HIPK2: variants seen among roughly 807,000 people sequenced by gnomAD.
HIPK2 encodes the protein homeodomain interacting protein kinase 2, also known as homeodomain-interacting protein kinase 2.
A neutral mutation model predicts 113.7 loss-of-function variants in HIPK2; 27 were observed. The observed-to-expected ratio is 0.24, with a 90% CI of 0.17 to 0.33. HIPK2 has a LOEUF of 0.33. Ranked by LOEUF, HIPK2 falls within the 10% of genes least tolerant of loss-of-function variation. The probability of loss-of-function intolerance (pLI) is 1.00; values close to 1 mark genes in which losing one functional copy is unlikely to be tolerated. For synonymous variants in HIPK2, 631 were observed against 642.2 expected (o/e 0.98, Z 0.26); for missense variants, 1,257 against 1,588.0 (o/e 0.79, Z 3.54).
chr7:139,725,053 A>G (rs1194449410), intron 1 of HIPK2, among the ~76,000 whole-genome samples: 2 of 152,212 alleles, frequency 1.3e-5, no homozygotes, highest in Admixed American at 1.3e-4. Context: ...TCAAGTCTGT[A>G]TTAAGGGTCC....
rs897304447 is a variant in HIPK2 at position 139,777,792 on chromosome 7, G to T, written c.-169C>A. ...CCGCCTCCCGTGGCCGGCGCCGGGGGAGGGGGCCGGGCGCGCCGCCGCCGC... is the reference window on the plus strand; with the variant it reads ...CCGCCTCCCGTGGCCGGCGCCGGGGTAGGGGGCCGGGCGCGCCGCCGCCGC... On this transcript the variant is annotated 5_prime_UTR_variant, in exon 1 of 15. Transcript: ENST00000406875. The T allele has an allele frequency of 1.3e-4, 66 of 517,306 alleles. No homozygotes were observed. Among genetic ancestry groups the T allele is most frequent in the Non-Finnish European group, 1.6e-4 (65 of 403,820 alleles). The allele number at this position is 517,306 out of a possible 1,614,324, so 32.0% of individuals were successfully genotyped here.
At chr7:139,723,474 G>A (rs191136480) in intron 1 of HIPK2, among the ~76,000 whole-genome samples, 45 of 152,244 alleles carry the variant, frequency 3.0e-4, no homozygotes, top group African/African-American at 9.1e-4. Context: ...GATTACAGGC[G>A]TGAGCCACTG....
chr7:139,733,544 C>T (rs867093066), intron 1 of HIPK2, among the ~76,000 whole-genome samples: 1 of 152,320 alleles, frequency 6.6e-6, no homozygotes, highest in South Asian at 2.1e-4. Flanking sequence ...AAAGAGAACA[C>T]TCCTGATATA....
intron 2 of HIPK2, among the ~76,000 whole-genome samples, chr7:139,694,294 TCCA>T (rs1794500508): frequency 2.0e-5 from 3 of 152,282 alleles, no homozygotes; most frequent in South Asian, 4.1e-4. Context: ...CCTTACACGC[TCCA>T]CAAGACACCA....
chr7:139,597,030 G>C (rs764528453), intron 11 of HIPK2, 32 bp from the exon 12 acceptor site: 2 of 1,563,926 alleles, frequency 1.3e-6, no homozygotes, highest in South Asian at 2.3e-5. Flanking sequence ...CTCACACAGA[G>C]GAAGGTCAGG....
chr7:139,624,250 T>C (rs1800344020), intron 6 of HIPK2, among the ~76,000 whole-genome samples: 1 of 152,198 alleles, frequency 6.6e-6, no homozygotes. Flanking sequence ...TCTGAGCTCC[T>C]GACCTCAGCT....
At chr7:139,588,904 G>T (rs761625304) in intron 12 of HIPK2, among the ~76,000 whole-genome samples, 4 of 152,214 alleles carry the variant, frequency 2.6e-5, no homozygotes, top group Non-Finnish European at 5.9e-5. Flanking sequence ...GCTGGCTCCC[G>T]AGGGGAGGTG....
In HIPK2 at chr7:139,672,007, G is replaced by GA. The variant is rs762335909; in HGVS notation, c.1104-40283dup. On this transcript the variant is annotated intron_variant, in intron 2 of 14. Coordinates refer to ENST00000406875, the MANE Select transcript of HIPK2 (RefSeq NM_022740.5). The stretch of plus-strand genomic sequence containing the variant: ...ACCTCTGGTTTAAAAAGATACATCT[G>GA]AAGTTTAACATTATATGATTCTAGA... 5.8e-4 allele frequency among the ~76,000 whole-genome samples: 89 copies of GA among 152,278 alleles called. 1 individual carries two copies. The highest frequency in any genetic ancestry group is 6.0e-4 in the Non-Finnish European group (41 of 68,034).
At chr7:139,702,067 A>G (rs1794724549) in intron 2 of HIPK2, among the ~76,000 whole-genome samples, 1 of 152,186 alleles carries the variant, frequency 6.6e-6, no homozygotes, top group Non-Finnish European at 1.5e-5. Flanking sequence ...AACACGCTTT[A>G]GGAGGTGTCT....
intron 9 of HIPK2, among the ~76,000 whole-genome samples, chr7:139,608,329 A>T (rs1799698093): frequency 7.1e-6 from 1 of 140,934 alleles, no homozygotes; most frequent in African/African-American, 2.6e-5. Flanking sequence ...ATATATATAA[A>T]ATATATATAT....
chr7:139,626,097 T>G (rs1468426637), intron 6 of HIPK2, among the ~76,000 whole-genome samples: 1 of 147,874 alleles, frequency 6.8e-6, no homozygotes, highest in Non-Finnish European at 1.5e-5. Flanking sequence ...TTTCTTTCTT[T>G]TTTTCTTTCC....
At chr7:139,679,114 C>A (rs116412146) in intron 2 of HIPK2, among the ~76,000 whole-genome samples, 2 of 152,248 alleles carry the variant, frequency 1.3e-5, no homozygotes, top group South Asian at 4.1e-4. Context: ...CAAAGAGAGA[C>A]GATTTGATTT....
chr7:139,651,259 C>T (rs1801448249), intron 2 of HIPK2, among the ~76,000 whole-genome samples: 1 of 152,130 alleles, frequency 6.6e-6, no homozygotes, highest in Non-Finnish European at 1.5e-5. Context: ...CTTCCAAGCA[C>T]CCAAATGCAG....
chr7:139,775,314 G>A (rs1392313672), intron 1 of HIPK2, among the ~76,000 whole-genome samples: 1 of 152,134 alleles, frequency 6.6e-6, no homozygotes, highest in Non-Finnish European at 1.5e-5. Flanking sequence ...CAGAGTCTTG[G>A]CACACTCATC....
rs954587842 is a variant in HIPK2 at position 139,629,140 on chromosome 7, A to G, written c.1348-101T>C. On this transcript the variant is annotated intron_variant, in intron 4 of 14. Coordinates refer to ENST00000406875, the MANE Select transcript of HIPK2 (RefSeq NM_022740.5). ...GTGTCTCACAGAGGGTCTCTTTCCC[A>G]CATTTCGGAAGAGATTTTGATTCTT... 17 of 905,636 alleles carry G rather than the reference A, an allele frequency of 1.9e-5. No individual in the cohort carries two copies. The African/African-American group carries it at 2.8e-4, about 15-fold the overall frequency. 56.1% of individuals were successfully genotyped at this position (905,636 alleles called of 1,614,324 possible). A position where few individuals can be genotyped will look rare whatever the true frequency, so the allele number is the denominator to read the frequency against.
intron 2 of HIPK2, among the ~76,000 whole-genome samples, chr7:139,669,725 C>T (rs539696769): frequency 7.9e-5 from 12 of 152,226 alleles, no homozygotes; most frequent in South Asian, 2.1e-4. Flanking sequence ...TTCACACACA[C>T]ACAAAAACTA....
intron 9 of HIPK2, among the ~76,000 whole-genome samples, chr7:139,610,310 G>C (rs966267176): frequency 3.9e-5 from 6 of 152,230 alleles, no homozygotes; most frequent in African/African-American, 1.4e-4. Flanking sequence ...AAAAGCACAC[G>C]TGAGTTCTGT....
At chr7:139,726,214 C>T (rs1795570031) in intron 1 of HIPK2, among the ~76,000 whole-genome samples, 1 of 152,152 alleles carries the variant, frequency 6.6e-6, no homozygotes, top group Non-Finnish European at 1.5e-5. Flanking sequence ...AGAGAAGTGG[C>T]CTTGAGTAAG....
Position 139,605,235 on chromosome 7 carries a change from G to GGTGTGT in HIPK2, c.2113-1018_2113-1013dup, listed in dbSNP as rs34675356. Among the ~76,000 whole-genome samples the GGTGTGT allele has an allele frequency of 1.0e-2, 1,470 of 147,646 alleles. 23 individuals are homozygous for GGTGTGT. Among genetic ancestry groups the GGTGTGT allele is most frequent in the African/African-American group, 0.034 (1,369 of 40,264 alleles). ...GTGATTCTTCCTTGATAGATTCACT[G>GGTGTGT]GTGTGTGTGTGTGTGTGTGTGTGTG... On this transcript the variant is annotated intron_variant, in intron 9 of 14. Transcript: ENST00000406875.
Sources: allele counts gnomAD v4.1 joint callset (sites outside exome capture counted in the v4.1 genomes callset), GRCh38; gene constraint gnomAD v4.1.1; transcripts MANE v1.5; gene names NCBI Gene and HGNC (gene_info 2026-07-23, HGNC 2026-07-21).